Variants in ARHGEF3 observed in about 807,000 individuals in gnomAD.
ARHGEF3 encodes 59.8 kDA protein.
Under a neutral mutation model 63.2 loss-of-function variants are expected in ARHGEF3, and 28 were observed. That is an observed-to-expected ratio of 0.44 (90% CI 0.33 to 0.61). The LOEUF (loss-of-function observed/expected upper bound fraction) is 0.61. Among genes scored for constraint, ARHGEF3 ranks in the 20% least tolerant of loss-of-function variants. The pLI is 0.03. For missense variants in ARHGEF3, 533 were observed against 659.3 expected, an observed-to-expected ratio of 0.81 and a Z score of 2.10; for synonymous variants, 266 against 254.2, an observed-to-expected ratio of 1.05 and a Z score of -0.44.
chr3:57,014,285 C>T lies in ARHGEF3; in HGVS notation c.62+20803G>A, dbSNP rs140008103. Among the ~76,000 whole-genome samples the T allele has an allele frequency of 4.0e-3, 610 of 152,252 alleles. 3 individuals carry two copies. Among genetic ancestry groups the T allele is most frequent in the Non-Finnish European group, 6.6e-3 (449 of 68,020 alleles). ...AACTGTAACACTCACTGTGAGGGTC[C>T]GCGGCTTCATTCTTGAAGTCAGTGA... On this transcript the variant is annotated intron_variant, in intron 2 of 12. Transcript: ENST00000338458.
chr3:56,901,778 T>C (rs982476366), intron 3 of ARHGEF3, among the ~76,000 whole-genome samples: 1 of 152,022 alleles, frequency 6.6e-6, no homozygotes, highest in Non-Finnish European at 1.5e-5. Flanking sequence ...CTAGTAGAGA[T>C]GAGGTCTGGC....
At chr3:57,035,777 C>T (rs561917767) in intron 1 of ARHGEF3, among the ~76,000 whole-genome samples, 14 of 152,356 alleles carry the variant, frequency 9.2e-5, no homozygotes, top group South Asian at 4.1e-4. Context: ...AACCTTCCCA[C>T]GGGCTGGAAC....
chr3:57,006,567 C>T (rs1307400475), intron 2 of ARHGEF3, among the ~76,000 whole-genome samples: 1 of 152,190 alleles, frequency 6.6e-6, no homozygotes, highest in Non-Finnish European at 1.5e-5. Flanking sequence ...AGTAAAGACA[C>T]ATGGCATTTC....
intron 2 of ARHGEF3, chr3:56,975,843 A>T (rs565246784): frequency 5.5e-5 from 22 of 402,376 alleles, no homozygotes; most frequent in Middle Eastern, 3.5e-4. Flanking sequence ...TAATAAAAAC[A>T]ATAAAGATCA....
chr3:56,909,718 A>G (rs563151728), intron 3 of ARHGEF3, among the ~76,000 whole-genome samples: 3 of 152,252 alleles, frequency 2.0e-5, no homozygotes, highest in African/African-American at 4.8e-5. Context: ...CACCTTCATC[A>G]CTTACTGTTA....
At chr3:56,758,899 A>G (rs2035256749) in intron 2 of ARHGEF3, among the ~76,000 whole-genome samples, 1 of 152,228 alleles carries the variant, frequency 6.6e-6, no homozygotes, top group Admixed American at 6.5e-5. Context: ...GGAAACACAC[A>G]CAAAAACTTC....
chr3:57,056,601 C>T (rs184311804), intron 1 of ARHGEF3, among the ~76,000 whole-genome samples: 253 of 151,994 alleles, frequency 1.7e-3, no homozygotes, highest in Non-Finnish European at 2.9e-3. Context: ...GGAGGCATGA[C>T]GAGGAGTGGA....
chr3:56,851,154 C>T (rs2039663980), intron 4 of ARHGEF3, among the ~76,000 whole-genome samples: 1 of 152,126 alleles, frequency 6.6e-6, no homozygotes, highest in Non-Finnish European at 1.5e-5. Context: ...CCTGCAGGGA[C>T]ACCCTCCCTT....
intron 3 of ARHGEF3, among the ~76,000 whole-genome samples, chr3:56,893,511 A>G (rs1293595191): frequency 6.6e-6 from 1 of 152,196 alleles, no homozygotes; most frequent in Non-Finnish European, 1.5e-5. Context: ...CTGTCTATTA[A>G]GAATCCACTG....
rs3772219 is a variant in ARHGEF3 at position 56,737,223 on chromosome 3, A to C, written c.1003T>G (p.Leu335Val). Residue 335 changes from leucine to valine, a missense_variant, in exon 8 of 10, where the codon TTG (leucine) becomes GTG (valine). Leu to Val is a conservative substitution (Grantham distance 32). This residue lies in a region of ARHGEF3 where 151 missense variants were observed against 190.7 expected (regional missense o/e 0.79). Coordinates refer to ENST00000296315, the MANE Select transcript of ARHGEF3 (RefSeq NM_019555.3). ...KDSLIDSSRV[L>V]CCHGELKNNR... Reference sequence around the variant, plus strand: ...TTCTTCAGTTCACCATGACAACACAAGACTCGAGAGCTGTCGATCAGGGAG... The same window carrying C: ...TTCTTCAGTTCACCATGACAACACACGACTCGAGAGCTGTCGATCAGGGAG... 535,641 of 1,613,268 alleles carry C rather than the reference A, an allele frequency of 0.33. 92,669 individuals are homozygous for C. The highest frequency in any genetic ancestry group is 0.52 in the African/African-American group (38,942 of 74,940).
chr3:56,736,049 AACACACACACACACAC>A (rs10530565), intron 8 of ARHGEF3, among the ~76,000 whole-genome samples: 33 of 147,174 alleles, frequency 2.2e-4, no homozygotes, highest in South Asian at 1.3e-3. Flanking sequence ...CAGAAATTTA[AACACACACACACACAC>A]ACACACACAC....
At chr3:56,905,941 T>G (rs2108321250) in intron 3 of ARHGEF3, among the ~76,000 whole-genome samples, 1 of 152,240 alleles carries the variant, frequency 6.6e-6, no homozygotes, top group South Asian at 2.1e-4. Flanking sequence ...CTCAGCTCAC[T>G]GCAACCTCAG....
intron 1 of ARHGEF3, among the ~76,000 whole-genome samples, chr3:56,800,537 T>G (rs2107964413): frequency 6.6e-6 from 1 of 152,376 alleles, no homozygotes; most frequent in East Asian, 1.9e-4. Context: ...CTTGGAGTCC[T>G]GTCAGCCTGG....
At chr3:57,050,612 A>C (rs1704631642) in intron 1 of ARHGEF3, among the ~76,000 whole-genome samples, 1 of 152,194 alleles carries the variant, frequency 6.6e-6, no homozygotes, top group African/African-American at 2.4e-5. Flanking sequence ...CCATGGTTAG[A>C]GGCTGGGCAG....
chr3:57,023,065 C>T (rs1378126998), intron 2 of ARHGEF3, among the ~76,000 whole-genome samples: 1 of 152,188 alleles, frequency 6.6e-6, no homozygotes, highest in East Asian at 1.9e-4. Flanking sequence ...TATCTTTCCT[C>T]ACAGCATACA....
intron 3 of ARHGEF3, among the ~76,000 whole-genome samples, chr3:56,928,547 G>C (rs1578865694): frequency 6.6e-6 from 1 of 152,176 alleles, no homozygotes; most frequent in Non-Finnish European, 1.5e-5. Context: ...TAGGGCCATG[G>C]TGCAAACTAC....
intron 1 of ARHGEF3, among the ~76,000 whole-genome samples, chr3:56,776,575 A>C (rs900267014): frequency 3.3e-5 from 5 of 152,202 alleles, no homozygotes; most frequent in African/African-American, 7.2e-5. Context: ...TAGAAGATTA[A>C]AAAAATTCCT....
At chr3:57,065,336 CTG>C (rs1466366840) in intron 1 of ARHGEF3, among the ~76,000 whole-genome samples, 1 of 152,128 alleles carries the variant, frequency 6.6e-6, no homozygotes, top group Admixed American at 6.5e-5. Context: ...TGGTGTGCAC[CTG>C]TAGTCCCAGC....
chr3:57,040,510 A>AGAAAAGGAAAGGAAAGGAAAGGAAAGG (rs1704143321), intron 1 of ARHGEF3, among the ~76,000 whole-genome samples: 1 of 151,720 alleles, frequency 6.6e-6, no homozygotes, highest in African/African-American at 2.4e-5. Flanking sequence ...AAAATACCAA[A>AGAAAAGGAAAGGAAAGGAAAGGAAAGG]ACAGGTAAAA....
Sources: allele counts gnomAD v4.1 joint callset (sites outside exome capture counted in the v4.1 genomes callset), GRCh38; gene constraint gnomAD v4.1.1; regional missense constraint gnomAD v4.1.1; transcripts MANE v1.5; gene names NCBI Gene and HGNC (gene_info 2026-07-23, HGNC 2026-07-21).